Variants in PUM1 observed in about 807,000 individuals in gnomAD.
The protein encoded by PUM1 is pumilio RNA binding family member 1, also known as pumilio homolog 1.
A neutral mutation model predicts 131.8 loss-of-function variants in PUM1; 13 were observed. The ratio of observed to expected loss-of-function variants is 0.10; its 90% CI spans 0.06 to 0.16. PUM1 has a LOEUF of 0.16. Among genes scored for constraint, PUM1 ranks in the 10% least tolerant of loss-of-function variants. The pLI, the probability that PUM1 is intolerant of heterozygous loss-of-function variation, is 1.00. For missense variants in PUM1, 961 were observed against 1,512.4 expected (o/e 0.64, Z 6.05); for synonymous variants, 509 against 556.5 (o/e 0.91, Z 1.20).
chr1:31,024,213 C>T (rs1180251118), intron 3 of PUM1, among the ~76,000 whole-genome samples: 2 of 152,222 alleles, frequency 1.3e-5, no homozygotes, highest in African/African-American at 2.4e-5. Context: ...GAAGTTGTGG[C>T]GTCAGAGTTC....
chr1:30,984,158 G>A (rs1641460902), intron 7 of PUM1, among the ~76,000 whole-genome samples: 1 of 152,170 alleles, frequency 6.6e-6, no homozygotes. Flanking sequence ...TAATTATGGT[G>A]AATAGAAAAG....
Position 30,941,246 on chromosome 1 carries a change from T to C in PUM1, c.3147A>G (p.Gln1049=), listed in dbSNP as rs752548666. The part of the protein sequence containing the change: ...VQDQYGNYVI[Q]HVLEHGRPED... ...CAGGACGACCGTGCTCCAGTACATG[T>C]TGGATTACATAATTTCCATATTGAT... The change falls in exon 20 of 22, where the codon CAA becomes CAG. Residue 1049 remains glutamine (Q), a synonymous_variant. Coordinates refer to ENST00000426105, the MANE Select transcript of PUM1 (RefSeq NM_001020658.2). The C allele has an allele frequency of 3.1e-6, 5 of 1,611,890 alleles. No homozygotes were observed. Among genetic ancestry groups the C allele is most frequent in the Admixed American group, 1.7e-5 (1 of 59,854 alleles).
chr1:31,044,357 G>A (rs1643904975), intron 2 of PUM1, among the ~76,000 whole-genome samples: 1 of 152,172 alleles, frequency 6.6e-6, no homozygotes, highest in East Asian at 1.9e-4. Flanking sequence ...AGCTGAGATC[G>A]TGCCACTGCA....
intron 12 of PUM1, 111 bp downstream of exon 12, chr1:30,967,056 G>T: frequency 7.6e-7 from 1 of 1,313,500 alleles, no homozygotes; most frequent in Non-Finnish European, 1.1e-6. Context: ...TTACAGGGTA[G>T]AACCGATATA....
At chr1:31,021,659 ACC>A (rs1156860921) in intron 3 of PUM1, among the ~76,000 whole-genome samples, 90 of 152,176 alleles carry the variant, frequency 5.9e-4, no homozygotes, top group Non-Finnish European at 1.1e-3. Context: ...TAAAGCCCAG[ACC>A]ATCTGGGTAT....
chr1:30,994,112 C>A (rs1467541411), intron 6 of PUM1, among the ~76,000 whole-genome samples: 1 of 152,076 alleles, frequency 6.6e-6, no homozygotes, highest in Non-Finnish European at 1.5e-5. Flanking sequence ...AAGTTTAAGA[C>A]TGTAATTATT....
At chr1:31,014,349 TA>T (rs1174796592) in intron 3 of PUM1, among the ~76,000 whole-genome samples, 2 of 109,460 alleles carry the variant, frequency 1.8e-5, no homozygotes, top group African/African-American at 7.3e-5. Flanking sequence ...CTTGTAAAAA[TA>T]AAAAAAAGTC....
At chr1:31,020,840 G>A (rs187533063) in intron 3 of PUM1, among the ~76,000 whole-genome samples, 195 of 152,286 alleles carry the variant, frequency 1.3e-3, no homozygotes, top group Middle Eastern at 3.4e-3. Context: ...TCACCTCAAT[G>A]AGAACCACAT....
intron 2 of PUM1, among the ~76,000 whole-genome samples, chr1:31,042,220 C>T (rs1019362778): frequency 2.6e-5 from 4 of 151,938 alleles, no homozygotes; most frequent in Non-Finnish European, 4.4e-5. Flanking sequence ...GCATGAGAAT[C>T]GCTTGAATCC....
In PUM1 at chr1:30,952,216, GA is replaced by G. The variant is rs747334660; in HGVS notation, c.2721+17del. 1.2e-6 allele frequency: 2 copies of G among 1,611,962 alleles called. No homozygotes were observed. The highest frequency in any genetic ancestry group is 1.7e-6 in the Non-Finnish European group (2 of 1,178,222). ...GCAGATTCTCTTAAGTCAAAGGATAGAAAGAACAAAGGCTTACTTCAAAGAA... is the reference window on the plus strand; with the variant it reads ...GCAGATTCTCTTAAGTCAAAGGATAGAAGAACAAAGGCTTACTTCAAAGAA... On this transcript the variant is annotated intron_variant, in intron 16 of 21. Coordinates refer to ENST00000426105, the MANE Select transcript of PUM1 (RefSeq NM_001020658.2).
At chr1:31,040,705 A>G (rs1221237399) in intron 2 of PUM1, among the ~76,000 whole-genome samples, 6 of 152,178 alleles carry the variant, frequency 3.9e-5, no homozygotes, top group African/African-American at 1.4e-4. Flanking sequence ...CAGGAGTTCA[A>G]GTCCAGCCTG....
intron 20 of PUM1, among the ~76,000 whole-genome samples, chr1:30,937,875 T>C (rs1639279555): frequency 6.6e-6 from 1 of 151,850 alleles, no homozygotes; most frequent in Non-Finnish European, 1.5e-5. Context: ...TTCAAATAAT[T>C]CTTCTCCTGC....
chr1:31,065,460 G>C (rs1332007928), intron 1 of PUM1, among the ~76,000 whole-genome samples, 156 bp downstream of exon 1: 1 of 149,300 alleles, frequency 6.7e-6, no homozygotes, highest in Non-Finnish European at 1.5e-5. Flanking sequence ...AAACATGTAC[G>C]AGGAACAGCG....
rs182335778 is a variant in PUM1, at chr1:30,956,798, G to A, written c.2324-2817C>T. On this transcript the variant is annotated intron_variant, in intron 14 of 21. Coordinates refer to ENST00000426105, the MANE Select transcript of PUM1 (RefSeq NM_001020658.2). ...AAAATGGAAGGTAAATTATAAAGGA[G>A]CCAGGTCCTTGGTGACAATGTTTAA... Among the ~76,000 whole-genome samples the A allele has an allele frequency of 1.4e-4, 22 of 152,258 alleles. No homozygotes were observed. In the East Asian group the frequency reaches 4.2e-3, roughly 29 times the overall value.
chr1:30,935,412 C>T (rs2124375274), intron 21 of PUM1, among the ~76,000 whole-genome samples: 1 of 152,330 alleles, frequency 6.6e-6, no homozygotes, highest in Middle Eastern at 3.4e-3. Flanking sequence ...TCTCCAGTGT[C>T]CCAGTAACTA....
intron 19 of PUM1, among the ~76,000 whole-genome samples, chr1:30,941,709 G>A (rs1028731412): frequency 6.6e-6 from 1 of 152,076 alleles, no homozygotes; most frequent in Non-Finnish European, 1.5e-5. Context: ...TTCATTTAAC[G>A]ATTATGAAAC....
intron 14 of PUM1, 83 bp downstream of exon 14, chr1:30,964,591 T>C: frequency 8.0e-7 from 1 of 1,247,738 alleles, no homozygotes; most frequent in Non-Finnish European, 1.2e-6. Flanking sequence ...GGGACTGTCC[T>C]TTGCTTATGC....
At chr1:31,030,512 A>T (rs191103410) in intron 2 of PUM1, among the ~76,000 whole-genome samples, 1 of 152,172 alleles carries the variant, frequency 6.6e-6, no homozygotes, top group African/African-American at 2.4e-5. Context: ...AATGTAGTAG[A>T]GTACCCTGTC....
chr1:31,043,600 CTT>C (rs1032902162), intron 2 of PUM1, among the ~76,000 whole-genome samples: 2 of 152,120 alleles, frequency 1.3e-5, no homozygotes, highest in African/African-American at 4.8e-5. Flanking sequence ...TCTTAGGGAA[CTT>C]GCTTTAATAA....
Sources: gnomAD v4.1 joint callset for allele counts (sites outside exome capture counted in the v4.1 genomes callset) on GRCh38, gnomAD v4.1.1 for gene constraint, MANE v1.5 for transcripts, NCBI Gene and HGNC (gene_info 2026-07-23, HGNC 2026-07-21) for gene names.